Variants in FANCC observed in about 807,000 individuals in gnomAD.
The protein encoded by FANCC is FA complementation group C, also known as Fanconi anemia group C protein.
A neutral mutation model predicts 71.3 loss-of-function variants in FANCC; 55 were observed. The ratio of observed to expected loss-of-function variants is 0.77; its 90% CI spans 0.62 to 0.97. FANCC has a LOEUF of 0.97. Ranked by LOEUF, FANCC falls within the 50% of genes least tolerant of loss-of-function variation. The pLI is 0.00. For synonymous variants in FANCC, 275 were observed against 244.9 expected (o/e 1.12, Z -1.15); for missense variants, 678 against 670.9 (o/e 1.01, Z -0.12).
intron 7 of FANCC, among the ~76,000 whole-genome samples, chr9:95,142,105 G>C (rs1828841746): frequency 7.0e-6 from 1 of 142,966 alleles, no homozygotes; most frequent in Non-Finnish European, 1.5e-5. Context: ...CAATTCTCCT[G>C]CCTCAGCCTC....
intron 10 of FANCC, among the ~76,000 whole-genome samples, chr9:95,118,944 T>C (rs2072650952): frequency 6.6e-6 from 1 of 152,278 alleles, no homozygotes; most frequent in African/African-American, 2.4e-5. Context: ...GGAATGGAAC[T>C]GCTGGGTCAC....
chr9:95,297,415 C>G (rs992211526), intron 1 of FANCC, among the ~76,000 whole-genome samples: 3 of 152,180 alleles, frequency 2.0e-5, no homozygotes, highest in African/African-American at 7.2e-5. Context: ...TCCCTCTCTC[C>G]GTCCCTCTCT....
chr9:95,230,597 G>A (rs1829941279), intron 4 of FANCC, among the ~76,000 whole-genome samples: 1 of 152,076 alleles, frequency 6.6e-6, no homozygotes, highest in African/African-American at 2.4e-5. Context: ...TCCTTATGGT[G>A]GGTTCGTGGT....
chr9:95,277,999 A>G (rs1172625999), intron 1 of FANCC, among the ~76,000 whole-genome samples: 4 of 152,238 alleles, frequency 2.6e-5, no homozygotes. Flanking sequence ...TCTTATTCTC[A>G]TAACTGACAT....
intron 6 of FANCC, among the ~76,000 whole-genome samples, chr9:95,164,938 C>G (rs953126862): frequency 6.6e-6 from 1 of 152,014 alleles, no homozygotes. Context: ...TTGGAAGGTT[C>G]TGAATAACCA....
rs1156280427 is a variant in FANCC, at chr9:95,294,133, T to C, written c.-79+23393A>G. 8 of 1,607,182 alleles carry C rather than the reference T, an allele frequency of 5.0e-6. No individual in the cohort carries two copies. The African/African-American group carries it at 9.4e-5, about 19-fold the overall frequency. ...ATTAAGTGATTTGGAAAACATCTTG[T>C]CAAGTAATCTGCCTGCTCAGACATT... On this transcript the variant is annotated intron_variant, in intron 1 of 14. Coordinates refer to ENST00000289081, the MANE Select transcript of FANCC (RefSeq NM_000136.3).
At chr9:95,175,548 G>T (rs552430131) in intron 4 of FANCC, among the ~76,000 whole-genome samples, 2 of 152,164 alleles carry the variant, frequency 1.3e-5, no homozygotes, top group Non-Finnish European at 1.5e-5. Flanking sequence ...TCTCCATGTT[G>T]GTGGTGTTCT....
At chr9:95,266,441 C>T (rs547778517) in intron 1 of FANCC, among the ~76,000 whole-genome samples, 5 of 152,284 alleles carry the variant, frequency 3.3e-5, no homozygotes, top group East Asian at 1.9e-4. Context: ...GCTTAATTCA[C>T]GCATCACTTT....
rs1219084332 is a variant in FANCC, at chr9:95,315,902, TA to T, written c.-79+1623del. Among the ~76,000 whole-genome samples the T allele has an allele frequency of 2.0e-5, 3 of 152,226 alleles. No homozygotes were observed. In the East Asian group the frequency reaches 5.8e-4, roughly 29 times the overall value. On this transcript the variant is annotated intron_variant, in intron 1 of 14. Transcript: ENST00000289081. ...CTACCTGCTGAAATATGGAACTGGTTAAAAGTACCATTTGTTTTAAAATGTA... is the reference window on the plus strand; with the variant it reads ...CTACCTGCTGAAATATGGAACTGGTTAAAGTACCATTTGTTTTAAAATGTA...
chr9:95,101,380 C>T lies in FANCC; in HGVS notation c.*327G>A. 2.4e-6 allele frequency: 1 copy of T among 421,010 alleles called. No homozygotes were observed. Among genetic ancestry groups the T allele is most frequent in the African/African-American group, 1.9e-5 (1 of 51,452 alleles). 26.1% of individuals were successfully genotyped at this position (421,010 alleles called of 1,614,324 possible). ...TTTAAATAATAGATGTGCAGCTTGA[C>T]TTGGGTAAAAACTAGAAACCTGTTC... On this transcript the variant is annotated 3_prime_UTR_variant, in exon 15 of 15. Coordinates refer to ENST00000289081, the MANE Select transcript of FANCC (RefSeq NM_000136.3).
chr9:95,106,762 T>A (rs1240695229), intron 14 of FANCC, among the ~76,000 whole-genome samples: 1 of 152,210 alleles, frequency 6.6e-6, no homozygotes, highest in Non-Finnish European at 1.5e-5. Flanking sequence ...CACACTGCGA[T>A]GGAAAGAAAT....
chr9:95,283,477 A>G lies in FANCC; in HGVS notation c.-79+34049T>C, dbSNP rs919283605. 2.6e-5 allele frequency among the ~76,000 whole-genome samples: 4 copies of G among 152,178 alleles called. No individual in the cohort carries two copies. The East Asian group carries it at 7.7e-4, about 29-fold the overall frequency. On this transcript the variant is annotated intron_variant, in intron 1 of 14. Coordinates refer to ENST00000289081, the MANE Select transcript of FANCC (RefSeq NM_000136.3). ...AGGCAGTCTCTGCTATTTATTACAGAGCATTGACCAAATAACTTACTACTC... is the reference window on the plus strand; with the variant it reads ...AGGCAGTCTCTGCTATTTATTACAGGGCATTGACCAAATAACTTACTACTC...
intron 4 of FANCC, among the ~76,000 whole-genome samples, chr9:95,228,978 G>A (rs1244916828): frequency 3.3e-5 from 5 of 152,098 alleles, no homozygotes; most frequent in East Asian, 1.9e-4. Context: ...GAACCTACCC[G>A]AGGCTCCTGA....
chr9:95,178,024 CATT>C, intron 4 of FANCC, among the ~76,000 whole-genome samples: 1 of 152,102 alleles, frequency 6.6e-6, no homozygotes, highest in Non-Finnish European at 1.5e-5. Context: ...TTTCTTAAAA[CATT>C]ATAAGATTAT....
intron 1 of FANCC, among the ~76,000 whole-genome samples, chr9:95,255,915 A>C (rs1831628079): frequency 6.6e-6 from 1 of 151,962 alleles, no homozygotes; most frequent in African/African-American, 2.4e-5. Flanking sequence ...GAATCGATCA[A>C]GCAGAAGAAA....
chr9:95,302,633 T>C (rs780226806), intron 1 of FANCC, among the ~76,000 whole-genome samples: 3 of 152,216 alleles, frequency 2.0e-5, no homozygotes, highest in Non-Finnish European at 4.4e-5. Context: ...CAGTGCTCAG[T>C]AGAGCAGTGG....
intron 4 of FANCC, among the ~76,000 whole-genome samples, chr9:95,175,875 AC>A: frequency 1.3e-5 from 2 of 152,296 alleles, no homozygotes; most frequent in East Asian, 3.9e-4. Context: ...TCCAAGTCAG[AC>A]CCAGGCAGAG....
At chr9:95,188,386 C>A (rs998390840) in intron 4 of FANCC, among the ~76,000 whole-genome samples, 7 of 152,166 alleles carry the variant, frequency 4.6e-5, no homozygotes, top group African/African-American at 1.7e-4. Context: ...TTGCCACTGC[C>A]TCCAAGCACA....
intron 1 of FANCC, among the ~76,000 whole-genome samples, chr9:95,259,155 A>AT (rs1171649686): frequency 6.6e-6 from 1 of 152,204 alleles, no homozygotes; most frequent in Non-Finnish European, 1.5e-5. Flanking sequence ...CCATTAAGCT[A>AT]CCATTGACTT....
Sources: gnomAD v4.1 joint callset for allele counts (sites outside exome capture counted in the v4.1 genomes callset) on GRCh38, gnomAD v4.1.1 for gene constraint, MANE v1.5 for transcripts, NCBI Gene and HGNC (gene_info 2026-07-23, HGNC 2026-07-21) for gene names.